The following PHC3 variants were observed in gnomAD, a reference collection of about 807,000 sequenced individuals.
PHC3 encodes the protein polyhomeotic-like protein 3.
A neutral mutation model predicts 107.4 loss-of-function variants in PHC3; 13 were observed. That is an observed-to-expected ratio of 0.12 (90% CI 0.08 to 0.19). The LOEUF is 0.19. Ranked by LOEUF, PHC3 falls within the 10% of genes least tolerant of loss-of-function variation. The pLI is 1.00. For missense variants in PHC3, 992 were observed against 1,210.9 expected (o/e 0.82, Z 2.68); for synonymous variants, 456 against 427.4 (o/e 1.07, Z -0.83).
At chr3:170,114,921 C>G (rs1016542547) in intron 10 of PHC3, among the ~76,000 whole-genome samples, 1 of 152,072 alleles carries the variant, frequency 6.6e-6, no homozygotes, top group Admixed American at 6.6e-5. Flanking sequence ...TTTAATATGC[C>G]TCAAGTGAAA....
rs74960731 is a variant in PHC3 at position 170,135,808 on chromosome 3, A to G, written c.919+611T>C. ...TCTGAGATGAACAGAAGAGACAGTA[A>G]GCTCACTCTGGATGGCCCCCACATT... On this transcript the variant is annotated intron_variant, in intron 7 of 14. Coordinates refer to ENST00000495893, the MANE Select transcript of PHC3 (RefSeq NM_024947.4). 3.9e-3 allele frequency among the ~76,000 whole-genome samples: 593 copies of G among 152,320 alleles called. 20 individuals carry two copies. In the East Asian group the frequency reaches 0.098, roughly 25 times the overall value.
At chr3:170,145,655 G>T in intron 5 of PHC3, 134 bp from the exon 6 acceptor site, 1 of 491,458 alleles carries the variant, frequency 2.0e-6, no homozygotes. Context: ...TCAGCAAAAG[G>T]TTCTACATGA....
Position 170,178,757 on chromosome 3 carries a change from A to C in PHC3, c.180+16T>G, listed in dbSNP as rs749931564. 8 of 1,612,778 alleles carry C rather than the reference A, an allele frequency of 5.0e-6. No homozygotes were observed. The highest frequency in any genetic ancestry group is 6.8e-6 in the Non-Finnish European group (8 of 1,178,844). ...CATCTTAAGTCTTAGACTACCCATC[A>C]CTACAGCTGAAATACCTGTACAGCA... On this transcript the variant is annotated intron_variant, in intron 2 of 14. Transcript: ENST00000495893.
At chr3:170,113,222 T>C in intron 11 of PHC3, 138 bp downstream of exon 11, 1 of 707,668 alleles carries the variant, frequency 1.4e-6, no homozygotes, top group Non-Finnish European at 2.1e-6. Flanking sequence ...CCCATTATTT[T>C]AGTCAAATGG....
chr3:170,167,738 C>T lies in PHC3; in HGVS notation c.414+3635G>A, dbSNP rs1385510726. Among the ~76,000 whole-genome samples, 16 of 140,602 alleles carry T rather than the reference C, an allele frequency of 1.1e-4. No homozygotes were observed. In the East Asian group the frequency reaches 3.2e-3, roughly 28 times the overall value. The allele number at this position is 140,602 out of a possible 152,430, so 92.2% of individuals were successfully genotyped here. On this transcript the variant is annotated intron_variant, in intron 4 of 14. Transcript: ENST00000495893. ...TCACACCACTGCACTCCAGCCTGGG[C>T]GACAGAGCAAGGCTTCATCTCAAAA...
intron 7 of PHC3, among the ~76,000 whole-genome samples, chr3:170,130,625 C>A (rs1015451100): frequency 6.6e-6 from 1 of 151,846 alleles, no homozygotes; most frequent in Non-Finnish European, 1.5e-5. Context: ...TTTTCCCTCA[C>A]CAAAAAAAAA....
intron 11 of PHC3, among the ~76,000 whole-genome samples, chr3:170,111,379 A>G (rs1298677913): frequency 4.0e-5 from 6 of 150,594 alleles, no homozygotes; most frequent in African/African-American, 7.4e-5. Flanking sequence ...AAAGAAAGAA[A>G]GAGAGAGAAA....
At chr3:170,120,046 C>T (rs1394932169) in intron 9 of PHC3, among the ~76,000 whole-genome samples, 4 of 152,142 alleles carry the variant, frequency 2.6e-5, no homozygotes, top group African/African-American at 9.7e-5. Flanking sequence ...AAACTTCCTT[C>T]AAGTACTATT....
In PHC3 at chr3:170,097,523, A is replaced by C. The variant is rs1160552625; in HGVS notation, c.2834-139T>G. The C allele has an allele frequency of 1.0e-5, 8 of 797,980 alleles. No individual in the cohort carries two copies. The highest frequency in any genetic ancestry group is 1.1e-5 in the Non-Finnish European group (6 of 547,638). The allele number at this position is 797,980 out of a possible 1,614,324, so 49.4% of individuals were successfully genotyped here. A position where few individuals can be genotyped will look rare whatever the true frequency, so the allele number is the denominator to read the frequency against. On this transcript the variant is annotated intron_variant, in intron 14 of 14. Transcript: ENST00000495893. This position sits in a 1 kb window ranked among gnomAD's most constrained non-coding sequence, Gnocchi z 4.1. ...GAAACAAATGAAATTTATTTATGGT[A>C]GTCTTGAGTTCACTCTTGAAGAATA... is the stretch of plus-strand genomic sequence containing the variant.
At chr3:170,107,569 C>T (rs1240249432) in intron 11 of PHC3, among the ~76,000 whole-genome samples, 1 of 152,096 alleles carries the variant, frequency 6.6e-6, no homozygotes, top group Non-Finnish European at 1.5e-5. Context: ...CATAGCAAGA[C>T]CCCATCTCAT....
intron 11 of PHC3, among the ~76,000 whole-genome samples, chr3:170,112,638 C>T (rs754678139): frequency 2.6e-5 from 4 of 151,692 alleles, no homozygotes; most frequent in African/African-American, 4.9e-5. Context: ...ATACTCCTGC[C>T]TCAGCCTCCC....
At chr3:170,179,293 G>T (rs1446489236) in intron 1 of PHC3, among the ~76,000 whole-genome samples, 1 of 152,158 alleles carries the variant, frequency 6.6e-6, no homozygotes. Context: ...AGCAGTATCA[G>T]AGTATTTTAA....
intron 1 of PHC3, 114 bp downstream of exon 1, chr3:170,181,586 GTC>G (rs1328582128): frequency 1.3e-6 from 2 of 1,484,882 alleles, no homozygotes; most frequent in East Asian, 2.3e-5. Flanking sequence ...CGGGTCTCGA[GTC>G]TCTCTTTCCC....
intron 6 of PHC3, among the ~76,000 whole-genome samples, chr3:170,138,252 T>G (rs1010695731): frequency 9.9e-5 from 15 of 152,110 alleles, no homozygotes; most frequent in African/African-American, 3.6e-4. Context: ...CAGGCCAAAC[T>G]TTTCATCAGT....
At chr3:170,166,022 A>G (rs1728690669) in intron 4 of PHC3, among the ~76,000 whole-genome samples, 1 of 150,810 alleles carries the variant, frequency 6.6e-6, no homozygotes, top group Admixed American at 6.6e-5. Flanking sequence ...CAGAATATAT[A>G]AAGAACCACC....
intron 4 of PHC3, among the ~76,000 whole-genome samples, chr3:170,152,045 C>T (rs1201210943): frequency 6.6e-6 from 1 of 151,928 alleles, no homozygotes; most frequent in African/African-American, 2.4e-5. Flanking sequence ...AGTTGGTTAT[C>T]TAATTCTCTA....
At chr3:170,172,740 A>T in intron 2 of PHC3, 28 bp from the exon 3 acceptor site, 2 of 1,570,020 alleles carry the variant, frequency 1.3e-6, no homozygotes, top group Non-Finnish European at 1.7e-6. Context: ...AACCAATGTC[A>T]AACCATAATC....
chr3:170,100,563 A>G (rs187159149), intron 14 of PHC3, among the ~76,000 whole-genome samples: 2 of 152,360 alleles, frequency 1.3e-5, no homozygotes, highest in African/African-American at 4.8e-5. Context: ...TCTAAATTAT[A>G]TAATAGCTGT....
chr3:170,105,533 A>C (rs1716325661), intron 12 of PHC3, among the ~76,000 whole-genome samples: 1 of 152,218 alleles, frequency 6.6e-6, no homozygotes, highest in African/African-American at 2.4e-5. Context: ...TTATGGATGC[A>C]TAATAGATGT....
Sources: allele counts gnomAD v4.1 joint callset (sites outside exome capture counted in the v4.1 genomes callset), GRCh38; gene constraint gnomAD v4.1.1; non-coding constraint Gnocchi (gnomAD v3.1); transcripts MANE v1.5; gene names NCBI Gene and HGNC (gene_info 2026-07-23, HGNC 2026-07-21).